The following SH3BP2 variants were observed in gnomAD, a reference collection of about 807,000 sequenced individuals.
SH3BP2 encodes the protein SH3 domain binding protein 2.
Under a neutral mutation model 56.2 loss-of-function variants are expected in SH3BP2, and 38 were observed. That is an observed-to-expected ratio of 0.68 (90% CI 0.52 to 0.89). SH3BP2 has a LOEUF of 0.89. Among genes scored for constraint, SH3BP2 ranks in the 40% least tolerant of loss-of-function variants. The pLI, the probability that SH3BP2 is intolerant of heterozygous loss-of-function variation, is 0.00. For synonymous variants in SH3BP2, 346 were observed against 316.7 expected (o/e 1.09, Z -0.98); for missense variants, 748 against 762.6 (o/e 0.98, Z 0.23).
chr4:2,834,415 G>C lies in SH3BP2; in HGVS notation c.*581G>C, dbSNP rs1725162122. The C allele has an allele frequency of 6.5e-6, 1 of 153,774 alleles. No homozygotes were observed. The highest frequency in any genetic ancestry group is 2.0e-4 in the South Asian group (1 of 4,908). The allele number at this position is 153,774 out of a possible 1,614,324, so 9.5% of individuals were successfully genotyped here. On this transcript the variant is annotated 3_prime_UTR_variant, in exon 13 of 13. Transcript: ENST00000503393. Reference sequence around the variant, plus strand: ...ACAGTTGGTTGTCTTGTCTTCCAGGGTGCAGGTCACTGAGTGACTTCCCCA... The same window carrying C: ...ACAGTTGGTTGTCTTGTCTTCCAGGCTGCAGGTCACTGAGTGACTTCCCCA...
At chr4:2,795,386 A>G (rs1051560255) in intron 1 of SH3BP2, among the ~76,000 whole-genome samples, 18 of 152,258 alleles carry the variant, frequency 1.2e-4, no homozygotes, top group African/African-American at 4.1e-4. Flanking sequence ...TATGTGTGGC[A>G]GGCTCTGCCC....
intron 1 of SH3BP2, among the ~76,000 whole-genome samples, chr4:2,802,730 G>A (rs1236516844): frequency 4.3e-5 from 6 of 140,922 alleles, no homozygotes; most frequent in South Asian, 4.3e-4. Context: ...CACACGTAAC[G>A]TTAGGGAAAA....
rs936708638 is a variant in SH3BP2 at position 2,839,182 on chromosome 4, T to A, written c.*5348T>A. The stretch of plus-strand genomic sequence containing the variant: ...CTTTTTCTTTTTCTTTTCTTTTTTT[T>A]TTTTTCTGAGACAGGGTCTCACTCT... On this transcript the variant is annotated 3_prime_UTR_variant, in exon 13 of 13. Coordinates refer to ENST00000503393, the MANE Select transcript of SH3BP2 (RefSeq NM_001122681.2). The A allele has an allele frequency of 1.3e-5, 2 of 151,744 alleles. No individual in the cohort carries two copies. Among genetic ancestry groups the A allele is most frequent in the Non-Finnish European group, 2.9e-5 (2 of 67,974 alleles). 9.4% of individuals were successfully genotyped at this position (151,744 alleles called of 1,614,324 possible).
At chr4:2,820,508 C>A in intron 1 of SH3BP2, 106 bp from the exon 2 acceptor site, 1 of 1,426,110 alleles carries the variant, frequency 7.0e-7, no homozygotes, top group Non-Finnish European at 9.9e-7. Flanking sequence ...ATGGCCCTAC[C>A]CTCCAAGCTG....
chr4:2,802,618 A>ATATGTGTATG (rs1723350402), intron 1 of SH3BP2, among the ~76,000 whole-genome samples: 1 of 144,802 alleles, frequency 6.9e-6, no homozygotes, highest in Non-Finnish European at 1.5e-5. Context: ...ATATGTGTAT[A>ATATGTGTATG]TATGTGTATG....
At chr4:2,830,175 T>C in intron 8 of SH3BP2, 28 bp downstream of exon 8, 1 of 1,588,278 alleles carries the variant, frequency 6.3e-7, no homozygotes, top group Non-Finnish European at 8.5e-7. Context: ...CTGCAAGCCC[T>C]GCCTCCAGCT....
At position 2,830,162 on chromosome 4, in the gene SH3BP2, C is replaced by T. The variant is rs367551850; in HGVS notation, c.1241+15C>T. The T allele has an allele frequency of 3.0e-4, 486 of 1,594,628 alleles. 6 individuals are homozygous for T. The South Asian group carries it at 3.9e-3, about 13-fold the overall frequency. On this transcript the variant is annotated intron_variant, in intron 8 of 12. Transcript: ENST00000503393. ...CCGCACCTCCAGTGAGTTTGTGTGG[C>T]GGCTGCAAGCCCTGCCTCCAGCTAC... is the stretch of plus-strand genomic sequence containing the variant.
At chr4:2,795,920 G>A (rs896043000) in intron 1 of SH3BP2, among the ~76,000 whole-genome samples, 3 of 152,192 alleles carry the variant, frequency 2.0e-5, no homozygotes, top group Non-Finnish European at 4.4e-5. Context: ...CGAGGGGCTG[G>A]AGACAGTCCC....
At position 2,802,560 on chromosome 4, in the gene SH3BP2, A is replaced by G. The variant is rs979341741; in HGVS notation, c.-5+9422A>G. Among the ~76,000 whole-genome samples the G allele has an allele frequency of 2.9e-5, 4 of 137,092 alleles. No homozygotes were observed. The South Asian group carries it at 8.9e-4, about 31-fold the overall frequency. 89.9% of individuals were successfully genotyped at this position (137,092 alleles called of 152,430 possible). A position where few individuals can be genotyped will look rare whatever the true frequency, so the allele number is the denominator to read the frequency against. ...TGTGTGTGTGTATATATATGTGTAT[A>G]TATGTATATATGTGTATATGTATAT... On this transcript the variant is annotated intron_variant, in intron 1 of 12. Transcript: ENST00000503393.
At chr4:2,802,404 A>ATGCGTG (rs1723320924) in intron 1 of SH3BP2, among the ~76,000 whole-genome samples, 2 of 135,900 alleles carry the variant, frequency 1.5e-5, no homozygotes, top group South Asian at 4.7e-4. Flanking sequence ...AAAAAAATAT[A>ATGCGTG]TGTGTGTGTG....
chr4:2,793,999 C>T (rs1409288004), intron 1 of SH3BP2, among the ~76,000 whole-genome samples: 2 of 152,248 alleles, frequency 1.3e-5, no homozygotes, highest in African/African-American at 2.4e-5. Flanking sequence ...CCTATCCCCT[C>T]TCTGTGCCTC....
chr4:2,803,259 T>C (rs2004190), intron 1 of SH3BP2, among the ~76,000 whole-genome samples: 44,202 of 151,966 alleles, frequency 0.29, 7,548 homozygotes, highest in African/African-American at 0.48. Context: ...GTGGGAGCAG[T>C]GGGGCTGGGT....
chr4:2,812,183 A>G lies in SH3BP2; in HGVS notation c.-4-8431A>G, dbSNP rs1723775535. On this transcript the variant is annotated intron_variant, in intron 1 of 12. Coordinates refer to ENST00000503393, the MANE Select transcript of SH3BP2 (RefSeq NM_001122681.2). ...CAGCCCTGGGCCCCAGGCAGCTTTC[A>G]GGACCTCACAGGGTAGAAGGCAGGA... is the stretch of plus-strand genomic sequence containing the variant. 2.0e-5 allele frequency: 29 copies of G among 1,434,224 alleles called. No homozygotes were observed. In the South Asian group the frequency reaches 4.2e-4, roughly 21 times the overall value. The allele number at this position is 1,434,224 out of a possible 1,614,324, so 88.8% of individuals were successfully genotyped here. A position where few individuals can be genotyped will look rare whatever the true frequency, so the allele number is the denominator to read the frequency against.
At chr4:2,812,818 T>C (rs1214831380) in intron 1 of SH3BP2, among the ~76,000 whole-genome samples, 1 of 147,682 alleles carries the variant, frequency 6.8e-6, no homozygotes, top group Non-Finnish European at 1.5e-5. Flanking sequence ...TGATACAGCC[T>C]GCAGGGTGGC....
intron 5 of SH3BP2, among the ~76,000 whole-genome samples, chr4:2,826,050 C>T (rs1724596454): frequency 6.6e-6 from 1 of 152,282 alleles, no homozygotes; most frequent in African/African-American, 2.4e-5. Flanking sequence ...CTCCCGTCCC[C>T]TGGTCCAAGC....
chr4:2,802,402 A>ATGTGTGTGTG lies in SH3BP2; in HGVS notation c.-5+9265_-5+9266insGTGTGTGTGT, dbSNP rs1467639495. ...AAGTGAGACTCTGTCTCAAAAAAAT[A>ATGTGTGTGTG]TATGTGTGTGTGTGTGTGTGTGTGT... is the stretch of plus-strand genomic sequence containing the variant. On this transcript the variant is annotated intron_variant, in intron 1 of 12. Transcript: ENST00000503393. Among the ~76,000 whole-genome samples, 7 of 100,486 alleles carry ATGTGTGTGTG rather than the reference A, an allele frequency of 7.0e-5. No individual in the cohort carries two copies. The East Asian group carries it at 1.7e-3, about 25-fold the overall frequency. The allele number at this position is 100,486 out of a possible 152,430, so 65.9% of individuals were successfully genotyped here.
At chr4:2,824,105 A>G (rs1434595348) in intron 3 of SH3BP2, among the ~76,000 whole-genome samples, 3 of 152,164 alleles carry the variant, frequency 2.0e-5, no homozygotes, top group Admixed American at 1.3e-4. Context: ...GTATAAGTGC[A>G]CCTGCCCCGG....
In SH3BP2 at chr4:2,839,798, C is replaced by G. The variant is rs1307761893; in HGVS notation, c.*5964C>G. ...CCAGCTGGTCTCAAACTCCTAGACT[C>G]AATGAGCCTCCCATCTTGACCTCCC... On this transcript the variant is annotated 3_prime_UTR_variant, in exon 13 of 13. Transcript: ENST00000503393. 6.6e-6 allele frequency: 1 copy of G among 151,792 alleles called. No homozygotes were observed. Among genetic ancestry groups the G allele is most frequent in the Admixed American group, 6.6e-5 (1 of 15,228 alleles). 9.4% of individuals were successfully genotyped at this position (151,792 alleles called of 1,614,324 possible). A position where few individuals can be genotyped will look rare whatever the true frequency, so the allele number is the denominator to read the frequency against.
chr4:2,812,161 C>T (rs1723775082), intron 1 of SH3BP2: 21 of 1,428,958 alleles, frequency 1.5e-5, no homozygotes, highest in Non-Finnish European at 1.9e-5. Flanking sequence ...TGAGGGGCAG[C>T]CCTGGGCCCC....
Sources: allele counts gnomAD v4.1 joint callset (sites outside exome capture counted in the v4.1 genomes callset), GRCh38; gene constraint gnomAD v4.1.1; transcripts MANE v1.5; gene names NCBI Gene and HGNC (gene_info 2026-07-23, HGNC 2026-07-21).